GRK5: variants seen among roughly 807,000 people sequenced by gnomAD.
GRK5 encodes g protein-coupled receptor kinase GRK5.
In GRK5, 40 loss-of-function variants were observed where a neutral mutation model predicts 78.4. That is an observed-to-expected ratio of 0.51 (90% confidence interval 0.40 to 0.66). The LOEUF (loss-of-function observed/expected upper bound fraction) is 0.66. GRK5 is among the 30% of genes least tolerant of loss of function. The pLI is 0.00. For missense variants in GRK5, 598 were observed against 759.9 expected (o/e 0.79, Z 2.50); for synonymous variants, 289 against 296.8 (o/e 0.97, Z 0.27).
intron 4 of GRK5, among the ~76,000 whole-genome samples, chr10:119,415,103 A>AG (rs398046280): frequency 6.7e-6 from 1 of 150,102 alleles, no homozygotes; most frequent in Admixed American, 6.6e-5. Context: ...AAAAAAAAAA[A>AG]GAAAAAGAAA....
At chr10:119,402,117 C>T (rs929885280) in intron 4 of GRK5, among the ~76,000 whole-genome samples, 48 of 152,186 alleles carry the variant, frequency 3.2e-4, no homozygotes, top group African/African-American at 9.4e-4. Context: ...CACTTCCTCT[C>T]GCAGTCCATG....
intron 2 of GRK5, among the ~76,000 whole-genome samples, chr10:119,375,655 T>G (rs1851611197): frequency 6.6e-6 from 1 of 152,254 alleles, no homozygotes; most frequent in African/African-American, 2.4e-5. Flanking sequence ...GACTGCCTGC[T>G]GGGTAGACAT....
intron 1 of GRK5, among the ~76,000 whole-genome samples, chr10:119,282,662 C>T (rs1849781245): frequency 6.6e-6 from 1 of 152,172 alleles, no homozygotes. Flanking sequence ...GGGTTGGCCC[C>T]GGTGGTCTGT....
At chr10:119,427,819 A>G (rs1283016218) in intron 6 of GRK5, among the ~76,000 whole-genome samples, 1 of 152,158 alleles carries the variant, frequency 6.6e-6, no homozygotes, top group Non-Finnish European at 1.5e-5. Context: ...CATCACCACC[A>G]TCATCAGCAT....
intron 9 of GRK5, among the ~76,000 whole-genome samples, chr10:119,438,314 G>A (rs1852963088): frequency 6.6e-6 from 1 of 152,172 alleles, no homozygotes; most frequent in South Asian, 2.1e-4. Flanking sequence ...AGAGCATCCT[G>A]ATGTGAAGAA....
At chr10:119,398,361 A>G (rs975798199) in intron 4 of GRK5, among the ~76,000 whole-genome samples, 3 of 152,028 alleles carry the variant, frequency 2.0e-5, no homozygotes, top group East Asian at 1.9e-4. Context: ...CTGGGCTCCT[A>G]TGGTGTGCCA....
chr10:119,409,226 T>G (rs537483023), intron 4 of GRK5, among the ~76,000 whole-genome samples: 3 of 152,224 alleles, frequency 2.0e-5, no homozygotes, highest in Non-Finnish European at 4.4e-5. Flanking sequence ...GTAATTGTCC[T>G]TCAAATAGAC....
intron 1 of GRK5, among the ~76,000 whole-genome samples, chr10:119,262,368 TC>T (rs1037882556): frequency 1.2e-4 from 14 of 113,474 alleles, no homozygotes; most frequent in Admixed American, 5.4e-4. Flanking sequence ...AGATGGAGTC[TC>T]CCTCTGTTGC....
At chr10:119,261,602 G>A (rs1458829132) in intron 1 of GRK5, among the ~76,000 whole-genome samples, 1 of 152,268 alleles carries the variant, frequency 6.6e-6, no homozygotes, top group Admixed American at 6.5e-5. Flanking sequence ...ACTCCAGCCT[G>A]GGCGCCATTG....
At chr10:119,235,786 T>C (rs1273984678) in intron 1 of GRK5, among the ~76,000 whole-genome samples, 1 of 152,216 alleles carries the variant, frequency 6.6e-6, no homozygotes, top group African/African-American at 2.4e-5. Flanking sequence ...GTCTTTTTAT[T>C]GCTCTTTTTG....
intron 2 of GRK5, among the ~76,000 whole-genome samples, chr10:119,352,338 A>C (rs145144463): frequency 1.3e-5 from 2 of 152,184 alleles, no homozygotes; most frequent in East Asian, 3.8e-4. Context: ...GTAAAAGTAC[A>C]TATCTCCCAA....
chr10:119,384,018 A>G (rs1272643547), intron 3 of GRK5, among the ~76,000 whole-genome samples: 2 of 152,166 alleles, frequency 1.3e-5, no homozygotes, highest in Non-Finnish European at 2.9e-5. Flanking sequence ...CTGACTTACC[A>G]GATCTTCCAG....
At position 119,437,208 on chromosome 10, in the gene GRK5, A is replaced by C. The variant is rs954384500; in HGVS notation, c.929+367A>C. On this transcript the variant is annotated intron_variant, in intron 9 of 15. Transcript: ENST00000392870. ...GCTGGGAGGGGGCCTGGTGGCCGCT[A>C]TCTGGGATCAGTCCTGGGAAGACTT... Among the ~76,000 whole-genome samples the C allele has an allele frequency of 2.0e-5, 3 of 152,272 alleles. No individual in the cohort carries two copies. The South Asian group carries it at 6.2e-4, about 32-fold the overall frequency.
chr10:119,326,608 A>G lies in GRK5; in HGVS notation c.145A>G (p.Ile49Val), dbSNP rs747058699. ...CCAGTGTGAAGACCTCCGAAGGACC[A>G]TAGGTAAGCTGTCCTGCCTGGGGGC... is the stretch of plus-strand genomic sequence containing the variant. ...ISQCEDLRRT[I>V]DRDYCSLCDK... is the part of the protein sequence containing the mutation. The change falls in exon 2 of 16, where the codon ATA becomes GTA. Residue 49 changes from isoleucine (I) to valine (V), a missense_variant. Ile to Val is a conservative substitution (Grantham distance 29). Transcript: ENST00000392870. 4.3e-6 allele frequency: 7 copies of G among 1,611,522 alleles called. No homozygotes were observed. The East Asian group carries it at 1.1e-4, about 26-fold the overall frequency.
intron 8 of GRK5, among the ~76,000 whole-genome samples, chr10:119,433,917 C>A (rs948069983): frequency 6.6e-6 from 1 of 152,312 alleles, no homozygotes; most frequent in South Asian, 2.1e-4. Flanking sequence ...GAGCAATTTA[C>A]AAAAGAAAGA....
intron 3 of GRK5, among the ~76,000 whole-genome samples, chr10:119,394,353 GGTGTGTGGGT>G (rs1851974639): frequency 1.7e-5 from 1 of 57,938 alleles, no homozygotes; most frequent in Non-Finnish European, 3.6e-5. Flanking sequence ...TGGGCATGTG[GGTGTGTGGGT>G]GTGTGTGGGT....
chr10:119,299,410 G>A (rs1042418827), intron 1 of GRK5, among the ~76,000 whole-genome samples: 28 of 150,250 alleles, frequency 1.9e-4, no homozygotes, highest in African/African-American at 6.6e-4. Flanking sequence ...TCCAGCCTGG[G>A]TGATGGAGCA....
intron 1 of GRK5, among the ~76,000 whole-genome samples, chr10:119,266,493 T>C (rs1849500592): frequency 6.6e-6 from 1 of 151,942 alleles, no homozygotes. Context: ...CTGGTTGTTA[T>C]CAAGAAGAGC....
At chr10:119,367,970 C>G (rs1851477955) in intron 2 of GRK5, among the ~76,000 whole-genome samples, 1 of 152,264 alleles carries the variant, frequency 6.6e-6, no homozygotes, top group Non-Finnish European at 1.5e-5. Flanking sequence ...CTCGGCAGGG[C>G]CAGGGCAGGA....
Sources: gnomAD v4.1 joint callset for allele counts (sites outside exome capture counted in the v4.1 genomes callset) on GRCh38, gnomAD v4.1.1 for gene constraint, MANE v1.5 for transcripts, NCBI Gene and HGNC (gene_info 2026-07-23, HGNC 2026-07-21) for gene names.